The following ATG9B variants were observed in gnomAD, a reference collection of about 807,000 sequenced individuals.
The protein encoded by ATG9B is autophagy related 9B, also known as autophagy-related protein 9B.
ATG9B carries 92 observed loss-of-function variants against 92.9 expected under a neutral mutation model. The ratio of observed to expected loss-of-function variants is 0.99; its 90% confidence interval spans 0.84 to 1.18. ATG9B has a LOEUF of 1.18. Ranked by LOEUF, ATG9B falls within the 50% of genes most tolerant of loss-of-function variation. ATG9B has a pLI of 0.00. For synonymous variants in ATG9B, 599 were observed against 551.4 expected (o/e 1.09, Z -1.21); for missense variants, 1,344 against 1,235.0 (o/e 1.09, Z -1.32).
chr7:151,024,069 T>G lies in ATG9B; in HGVS notation c.355A>C (p.Thr119Pro). The G allele has an allele frequency of 6.3e-7, 1 of 1,593,306 alleles. No homozygotes were observed. Residue 119 changes from threonine to proline, a missense_variant, in exon 1 of 14, where the codon ACC (threonine) becomes CCC (proline). Physicochemically the swap from Thr to Pro is conservative, Grantham distance 38. Transcript: ENST00000639579. The part of the protein sequence containing the change: ...SASPSWGSHS[T>P]PPLAPATPTP... ...GGGGTTGCCGGGGCCAGGGGTGGGG[T>G]GGAGTGGGATCCCCAGGAGGGAGAT...
rs1584932931 is a variant in ATG9B, at chr7:151,023,107, C to T, written c.759G>A (p.Gly253=). 1.9e-6 allele frequency: 3 copies of T among 1,614,098 alleles called. No homozygotes were observed. The highest frequency in any genetic ancestry group is 2.5e-6 in the Non-Finnish European group (3 of 1,180,028). ...ANQPSNHTRP[G]PFHSKVTLSD... is the part of the protein sequence containing the mutation. ...ACAGGGTCACTTTGCTGTGGAACGG[C>T]CCAGGTCTGGTATGGTTACTTGGTT... The change falls in exon 4 of 14, where the codon GGG becomes GGA. Residue 253 remains glycine (G), a synonymous_variant. Coordinates refer to ENST00000639579, the MANE Select transcript of ATG9B (RefSeq NM_001317056.2).
At chr7:151,023,811 T>A (rs1402225582) in intron 1 of ATG9B, 63 bp downstream of exon 1, 2 of 1,611,930 alleles carry the variant, frequency 1.2e-6, no homozygotes, top group Non-Finnish European at 1.7e-6. Context: ...AGGCCCAGCC[T>A]GGGATAAGTA....
chr7:151,023,240 C>T (rs1279414442), intron 3 of ATG9B, 34 bp from the exon 4 acceptor site: 1 of 1,613,528 alleles, frequency 6.2e-7, no homozygotes, highest in Non-Finnish European at 8.5e-7. Context: ...CGGGATGCTG[C>T]AGTGATCAGG....
Position 151,018,317 on chromosome 7 carries a change from C to A in ATG9B, c.1849G>T (p.Ala617Ser). Residue 617 changes from alanine (A) to serine (S), a missense_variant, in exon 7 of 14, where the codon GCG becomes TCG. By Grantham distance (99) the Ala-to-Ser change is moderately conservative. Coordinates refer to ENST00000639579, the MANE Select transcript of ATG9B (RefSeq NM_001317056.2). This position sits in a 1 kb window ranked among gnomAD's most constrained non-coding sequence, Gnocchi z 4.7. ...ACCGCTCGGTACTGCAGCAGCTGCG[C>A]CATCTGCCGGTAGGCGCGGTCCCTG... ...GGRDRAYRQM[A>S]QLLQYRAVSL... The A allele has an allele frequency of 1.3e-6, 2 of 1,582,244 alleles. No homozygotes were observed. The highest frequency in any genetic ancestry group is 8.6e-7 in the Non-Finnish European group (1 of 1,168,914).
chr7:151,020,295 A>G (rs1168720797), intron 5 of ATG9B: 1 of 152,874 alleles, frequency 6.5e-6, no homozygotes, highest in East Asian at 1.9e-4. Flanking sequence ...AGGTTAGTCA[A>G]GTCCCCCAGG....
Position 151,017,161 on chromosome 7 carries a change from C to T in ATG9B, c.2164G>A (p.Gly722Arg). The change falls in exon 9 of 14, where the codon GGG becomes AGG. Residue 722 changes from glycine to arginine, a missense_variant. By Grantham distance (125) the Gly-to-Arg change is moderately radical (BLOSUM62 -2). Transcript: ENST00000639579. The part of the protein sequence containing the change: ...SLAHPLWRPP[G>R]HSSKFLGHLW... ...TGCCCAAGAAACTTAGAGCTGTGCC[C>T]TGGGGGGCGCCAGAGTGGATGCGCC... 1 of 1,613,124 alleles carries T rather than the reference C, an allele frequency of 6.2e-7. No individual in the cohort carries two copies. The highest frequency in any genetic ancestry group is 8.5e-7 in the Non-Finnish European group (1 of 1,179,802).
At position 151,023,447 on chromosome 7, in the gene ATG9B, C is replaced by A; in HGVS notation, c.657G>T (p.Leu219=). 6.2e-7 allele frequency: 1 copy of A among 1,612,944 alleles called. No homozygotes were observed. The highest frequency in any genetic ancestry group is 2.2e-5 in the East Asian group (1 of 44,790). ...ACILLEDVFQ[L]GQFIFIVTFT... is the part of the protein sequence containing the mutation. Reference sequence around the variant, plus strand: ...CGGGCCCGGGCTAAGCGTCTCACCCCAGCTGGAAGACATCCTCCAGCAAGA... The same window carrying A: ...CGGGCCCGGGCTAAGCGTCTCACCCAAGCTGGAAGACATCCTCCAGCAAGA... The change falls in exon 3 of 14, where the codon CTG becomes CTT. Residue 219 remains leucine, a splice_region_variant and synonymous_variant. Transcript: ENST00000639579.
chr7:151,019,335 G>T lies in ATG9B; in HGVS notation c.1003C>A (p.Arg335Ser), dbSNP rs1039946121. ...SSVPWAEVQS[R>S]LLALQRSGGL... is the part of the protein sequence containing the mutation. ...CCGCTCCGCTGCAGTGCCAAGAGGC[G>T]GGACTGCACCTCTGCCCAGGGAACC... The change falls in exon 6 of 14, where the codon CGC becomes AGC. Residue 335 changes from arginine to serine, a missense_variant. Arg to Ser is a moderately radical substitution (Grantham distance 110). Transcript: ENST00000639579. 8.4e-6 allele frequency: 13 copies of T among 1,552,172 alleles called. No homozygotes were observed. Among genetic ancestry groups the T allele is most frequent in the African/African-American group, 1.4e-5 (1 of 73,600 alleles).
chr7:151,015,838 C>T (rs1795455538), intron 13 of ATG9B, 44 bp downstream of exon 13: 13 of 1,523,878 alleles, frequency 8.5e-6, no homozygotes, highest in East Asian at 2.5e-5. Flanking sequence ...AACCAACTAC[C>T]TATGCCGTCC....
downstream of ATG9B, chr7:151,012,676 T>C (rs1795331950): frequency 1.8e-6 from 1 of 558,280 alleles, no homozygotes; most frequent in Non-Finnish European, 3.2e-6. Flanking sequence ...GCCTGGTACA[T>C]AGTAGGTGTT....
At chr7:151,021,631 T>A (rs946715609) in intron 4 of ATG9B, among the ~76,000 whole-genome samples, 2 of 151,892 alleles carry the variant, frequency 1.3e-5, no homozygotes, top group African/African-American at 4.8e-5. Context: ...TGACAGCTGA[T>A]GAAATGTGTG....
intron 4 of ATG9B, 57 bp from the exon 5 acceptor site, chr7:151,021,386 G>C (rs1802544214): frequency 1.3e-6 from 2 of 1,519,368 alleles, no homozygotes; most frequent in Non-Finnish European, 8.8e-7. Context: ...GAAAGAGGCA[G>C]ACCAGACTTC....
Position 151,016,104 on chromosome 7 carries a change from C to T in ATG9B, c.2647+5G>A. On this transcript the variant is annotated splice_donor_5th_base_variant and intron_variant, in intron 12 of 13. Coordinates refer to ENST00000639579, the MANE Select transcript of ATG9B (RefSeq NM_001317056.2). ...TCTGTCCCCTGCAGGCCCCACCCTC[C>T]TCACCGTCACTTGACCAGGATGGCT... The T allele has an allele frequency of 6.5e-7, 1 of 1,537,214 alleles. No homozygotes were observed. The highest frequency in any genetic ancestry group is 8.8e-7 in the Non-Finnish European group (1 of 1,138,654).
downstream of ATG9B, chr7:151,014,564 C>T (rs921911309): frequency 5.4e-6 from 1 of 186,056 alleles, no homozygotes; most frequent in African/African-American, 2.4e-5. Flanking sequence ...GTTAGGAGAA[C>T]TACTAAAGTG....
In ATG9B at chr7:151,021,178, C is replaced by T. The variant is rs1795731010; in HGVS notation, c.963+10G>A. The T allele has an allele frequency of 1.2e-6, 2 of 1,613,156 alleles. No homozygotes were observed. Among genetic ancestry groups the T allele is most frequent in the Non-Finnish European group, 1.7e-6 (2 of 1,179,788 alleles). Reference sequence around the variant, plus strand: ...GGCACCCTCTGCACAGACACAGCCACCCAGCTCACCGGGGGGATGTGCAGG... The same window carrying T: ...GGCACCCTCTGCACAGACACAGCCATCCAGCTCACCGGGGGGATGTGCAGG... On this transcript the variant is annotated intron_variant, in intron 5 of 13. Transcript: ENST00000639579.
At position 151,017,062 on chromosome 7, in the gene ATG9B, C is replaced by A; in HGVS notation, c.2263G>T (p.Val755Leu). 1 of 1,601,082 alleles carries A rather than the reference C, an allele frequency of 6.2e-7. No individual in the cohort carries two copies. Among genetic ancestry groups the A allele is most frequent in the Non-Finnish European group, 8.5e-7 (1 of 1,174,510 alleles). The change falls in exon 9 of 14, where the codon GTG becomes TTG. Residue 755 changes from valine (V) to leucine (L), a missense_variant. Transcript: ENST00000639579. ...TSARGPSTPG[V>L]LSNCTSPLPE... ...AGGGGCGAGGTGCAGTTGCTGAGCA[C>A]CCCCGGGGTGGAGGGGCCGCGAGCC...
intron 8 of ATG9B, among the ~76,000 whole-genome samples, chr7:151,017,655 G>C (rs1442547156): frequency 6.6e-6 from 1 of 152,232 alleles, no homozygotes; most frequent in Non-Finnish European, 1.5e-5. Context: ...GACATAATCT[G>C]TGTGTTCACA....
rs757593669 is a variant in ATG9B, at chr7:151,023,165, C to T, written c.701G>A (p.Arg234Gln). ...AAAGAGAACATTGTAATCCACGCAT[C>T]GAAGGAGGAAGGTTGTGAAGGTGAC... Reference protein sequence around the residue: ...FIVTFTTFLLRCVDYNVLFAN... With the variant: ...FIVTFTTFLLQCVDYNVLFAN... The change falls in exon 4 of 14, where the codon CGA becomes CAA. Residue 234 changes from arginine to glutamine, a missense_variant. Coordinates refer to ENST00000639579, the MANE Select transcript of ATG9B (RefSeq NM_001317056.2). The T allele has an allele frequency of 6.7e-5, 108 of 1,613,972 alleles. No individual in the cohort carries two copies. The highest frequency in any genetic ancestry group is 2.0e-4 in the African/African-American group (15 of 74,866).
rs1240187849 is a variant in ATG9B at position 151,016,133 on chromosome 7, C to A, written c.2623G>T (p.Glu875Ter). The A allele has an allele frequency of 6.5e-7, 1 of 1,539,284 alleles. No individual in the cohort carries two copies. Among genetic ancestry groups the A allele is most frequent in the South Asian group, 1.2e-5 (1 of 81,700 alleles). Residue 875 changes from glutamate (E) to a stop codon, truncating the protein, a stop_gained, in exon 12 of 14, where the codon GAG (glutamate) becomes TAG (stop). Coordinates refer to ENST00000639579, the MANE Select transcript of ATG9B (RefSeq NM_001317056.2). LOFTEE classifies it high-confidence loss of function. ...CCGTCACTTGACCAGGATGGCTTCT[C>A]CTCATCAGGCGAGGGTGGCTGTGAG... ...SPSQPPSPDE[E>*]KPSWSSDGSS...
Sources: allele counts gnomAD v4.1 joint callset (sites outside exome capture counted in the v4.1 genomes callset), GRCh38; gene constraint gnomAD v4.1.1; non-coding constraint Gnocchi (gnomAD v3.1); transcripts MANE v1.5; gene names NCBI Gene and HGNC (gene_info 2026-07-23, HGNC 2026-07-21).